Variants in PLEKHG5 observed in about 807,000 individuals in gnomAD.
PLEKHG5 encodes pleckstrin homology and RhoGEF domain containing G5, also known as pleckstrin homology domain-containing family G member 5.
In PLEKHG5, 52 loss-of-function variants were observed where a neutral mutation model predicts 103.8. The ratio of observed to expected loss-of-function variants is 0.50; its 90% CI spans 0.40 to 0.63. The LOEUF (loss-of-function observed/expected upper bound fraction) is 0.63, where lower values mean the gene tolerates loss of function less well. PLEKHG5 is among the 30% of genes least tolerant of loss of function. The pLI is 0.00. For synonymous variants in PLEKHG5, 592 were observed against 575.5 expected (o/e 1.03, Z -0.41); for missense variants, 1,205 against 1,347.6 (o/e 0.89, Z 1.66).
chr1:6,472,215 A>G (rs937163875), intron 10 of PLEKHG5, among the ~76,000 whole-genome samples: 4 of 152,044 alleles, frequency 2.6e-5, no homozygotes, highest in Non-Finnish European at 5.9e-5. Context: ...CTGCCAGCTC[A>G]CTCTGTCCCG....
chr1:6,516,693 T>C (rs1009226575), intron 1 of PLEKHG5, among the ~76,000 whole-genome samples: 2 of 151,640 alleles, frequency 1.3e-5, no homozygotes, highest in African/African-American at 4.8e-5. Context: ...AATGTTTTTA[T>C]GTATTGGCAA....
chr1:6,485,695 C>CCCGCCT (rs1645019112), intron 1 of PLEKHG5: 1 of 326,190 alleles, frequency 3.1e-6, no homozygotes, highest in Non-Finnish European at 5.0e-6. Flanking sequence ...CCCGGGCGAC[C>CCCGCCT]CCCCGCCTCC....
In PLEKHG5 at chr1:6,469,161, C is replaced by T. The variant is rs1468855178; in HGVS notation, c.2130G>A (p.Glu710=). 8.1e-6 allele frequency: 13 copies of T among 1,612,534 alleles called. No individual in the cohort carries two copies. Among genetic ancestry groups the T allele is most frequent in the Non-Finnish European group, 1.1e-5 (13 of 1,179,606 alleles). ...CCTCCTCCTCCTCTTCCTCCTCCTGCTCATCCTCCTCCTCTTCCAGGCTCT... is the reference window on the plus strand; with the variant it reads ...CCTCCTCCTCCTCTTCCTCCTCCTGTTCATCCTCCTCCTCTTCCAGGCTCT... ...PLQSLEEEED[E]QEEEEEEEEE... is the part of the protein sequence containing the mutation. Residue 710 remains glutamate (E), a synonymous_variant, in exon 19 of 21, where the codon GAG becomes GAA. Coordinates refer to ENST00000377728, the MANE Select transcript of PLEKHG5 (RefSeq NM_020631.6).
At chr1:6,501,250 G>C (rs922666643), upstream of PLEKHG5, among the ~76,000 whole-genome samples, 1 of 151,988 alleles carries the variant, frequency 6.6e-6, no homozygotes, top group African/African-American at 2.4e-5. The surrounding 1 kb of genome is among the most constrained non-coding windows in gnomAD (Gnocchi z 4.3). Context: ...GCTACTTGCC[G>C]GACACAACTG....
At chr1:6,519,589 C>G in exon 1 of PLEKHG5, 1 of 1,064,604 alleles carries the variant, frequency 9.4e-7, no homozygotes, top group South Asian at 1.2e-5. Flanking sequence ...TAATCAGACA[C>G]ACAGGTCTCC....
chr1:6,512,112 C>A (rs1237465365), intron 1 of PLEKHG5, among the ~76,000 whole-genome samples: 1 of 152,188 alleles, frequency 6.6e-6, no homozygotes, highest in Non-Finnish European at 1.5e-5. Context: ...TCACCATCAC[C>A]CCGTTTTACA....
intron 13 of PLEKHG5, 27 bp from the exon 14 acceptor site, chr1:6,470,911 CAG>C: frequency 6.5e-7 from 1 of 1,543,186 alleles, no homozygotes; most frequent in Non-Finnish European, 8.8e-7. Flanking sequence ...GGGGCGGGCT[CAG>C]GGCAGGCCCC....
At chr1:6,513,632 G>C (rs1638535940) in intron 1 of PLEKHG5, among the ~76,000 whole-genome samples, 1 of 152,190 alleles carries the variant, frequency 6.6e-6, no homozygotes, top group Non-Finnish European at 1.5e-5. Flanking sequence ...CCCTCTCGAG[G>C]GCCAAGTCTG....
At chr1:6,471,180 G>C in intron 12 of PLEKHG5, 80 bp from the exon 13 acceptor site, 1 of 1,174,486 alleles carries the variant, frequency 8.5e-7, no homozygotes, top group Non-Finnish European at 1.2e-6. Context: ...CTGCGCAAGC[G>C]CTTCCTTACT....
At chr1:6,507,654 G>A (rs560573267) in intron 1 of PLEKHG5, among the ~76,000 whole-genome samples, 1 of 152,334 alleles carries the variant, frequency 6.6e-6, no homozygotes, top group African/African-American at 2.4e-5. Flanking sequence ...CCCCAGGGCT[G>A]TGGCAGGGGG....
chr1:6,497,403 C>T, upstream of PLEKHG5: 1 of 974,504 alleles, frequency 1.0e-6, no homozygotes, highest in Non-Finnish European at 1.2e-6. The surrounding 1 kb of genome is among the most constrained non-coding windows in gnomAD (Gnocchi z 6.1). Flanking sequence ...GCCGCAGAGC[C>T]GCCGCCGCCG....
upstream of PLEKHG5, chr1:6,496,727 C>T: frequency 1.7e-6 from 1 of 573,644 alleles, no homozygotes. Flanking sequence ...CTTATCTGCA[C>T]GGGAATCCGT....
chr1:6,485,062 G>A (rs530139723), intron 1 of PLEKHG5, among the ~76,000 whole-genome samples: 4 of 152,180 alleles, frequency 2.6e-5, no homozygotes, highest in East Asian at 3.9e-4. Context: ...AGGTGTGTCC[G>A]GAGCTGGCCC....
rs1297645621 is a variant in PLEKHG5, at chr1:6,485,612, C to A, written c.-88+6025G>T. Reference sequence around the variant, plus strand: ...GGAAGGCGGACACCTCCCTCCCGCCCGGGCCCTCGCCACCCAGCCCCGGGG... The same window carrying A: ...GGAAGGCGGACACCTCCCTCCCGCCAGGGCCCTCGCCACCCAGCCCCGGGG... On this transcript the variant is annotated intron_variant, in intron 1 of 20. Transcript: ENST00000377728. The A allele has an allele frequency of 8.3e-6, 5 of 605,666 alleles. No homozygotes were observed. In the Admixed American group the frequency reaches 1.9e-4, roughly 22 times the overall value. 37.5% of individuals were successfully genotyped at this position (605,666 alleles called of 1,614,324 possible).
rs201034547 is a variant in PLEKHG5 at position 6,468,331 on chromosome 1, T to C, written c.2505A>G (p.Pro835=). ...TSLQDFVAPG[P]MAELVPRAPE... is the part of the protein sequence containing the mutation. ...GGGCCCGAGGCACTAGCTCTGCCATTGGGCCTGGGGCCACAAAGTCTTGTA... is the reference window on the plus strand; with the variant it reads ...GGGCCCGAGGCACTAGCTCTGCCATCGGGCCTGGGGCCACAAAGTCTTGTA... Residue 835 remains proline, a synonymous_variant, in exon 20 of 21, where the codon CCA becomes CCG. Transcript: ENST00000377728. 2 of 1,609,554 alleles carry C rather than the reference T, an allele frequency of 1.2e-6. No individual in the cohort carries two copies. The highest frequency in any genetic ancestry group is 2.7e-5 in the African/African-American group (2 of 74,880).
At position 6,505,630 on chromosome 1, in the gene PLEKHG5, C is replaced by T. The variant is rs1204866055; in HGVS notation, c.-164-9061G>A. ...AAATGGGGACAAAAGGAGAAATGACCCACGTCCTGGGACCTGGAACGTGAA... is the reference window on the plus strand; with the variant it reads ...AAATGGGGACAAAAGGAGAAATGACTCACGTCCTGGGACCTGGAACGTGAA... On this transcript the variant is annotated intron_variant, in intron 1 of 21. Coordinates refer to the PLEKHG5 transcript ENST00000377740. This position sits in a 1 kb window ranked among gnomAD's most constrained non-coding sequence, Gnocchi z 4.2. Among the ~76,000 whole-genome samples, 1 of 152,166 alleles carries T rather than the reference C, an allele frequency of 6.6e-6. No individual in the cohort carries two copies. Among genetic ancestry groups the T allele is most frequent in the African/African-American group, 2.4e-5 (1 of 41,422 alleles).
rs1644406495 is a variant in PLEKHG5 at position 6,467,235 on chromosome 1, AG to A, written c.*327del. ...GGGACTGGGAAGGTGGGGGCAGGGC[AG>A]GAGTGAATCCCACTGGAGGCCAGTG... On this transcript the variant is annotated 3_prime_UTR_variant, in exon 21 of 21. Coordinates refer to ENST00000377728, the MANE Select transcript of PLEKHG5 (RefSeq NM_020631.6). The A allele has an allele frequency of 3.9e-6, 2 of 519,432 alleles. No individual in the cohort carries two copies. Among genetic ancestry groups the A allele is most frequent in the Admixed American group, 6.4e-5 (2 of 31,300 alleles). The allele number at this position is 519,432 out of a possible 1,614,324, so 32.2% of individuals were successfully genotyped here.
intron 11 of PLEKHG5, 31 bp downstream of exon 11, chr1:6,471,727 C>T: frequency 6.2e-7 from 1 of 1,601,214 alleles, no homozygotes; most frequent in Non-Finnish European, 8.5e-7. Flanking sequence ...CCTGGTACCT[C>T]ACCCGCCGCC....
At chr1:6,484,512 A>G (rs1384399493) in intron 1 of PLEKHG5, among the ~76,000 whole-genome samples, 5 of 152,174 alleles carry the variant, frequency 3.3e-5, no homozygotes, top group Admixed American at 6.5e-5. Context: ...CATGAGCCCA[A>G]CTGAGAAGCT....
Sources: allele counts gnomAD v4.1 joint callset (sites outside exome capture counted in the v4.1 genomes callset), GRCh38; gene constraint gnomAD v4.1.1; non-coding constraint Gnocchi (gnomAD v3.1); transcripts MANE v1.5; gene names NCBI Gene and HGNC (gene_info 2026-07-23, HGNC 2026-07-21).